Variants in PDGFD observed in about 807,000 individuals in gnomAD.
PDGFD encodes platelet-derived growth factor D.
In PDGFD, 30 loss-of-function variants were observed where a neutral mutation model predicts 44.7. That is an observed-to-expected ratio of 0.67 (90% confidence interval 0.50 to 0.91). The LOEUF (loss-of-function observed/expected upper bound fraction) is 0.91. Among genes scored for constraint, PDGFD ranks in the 40% least tolerant of loss-of-function variants. The pLI is 0.00. For missense variants in PDGFD, 445 were observed against 457.8 expected (o/e 0.97, Z 0.25); for synonymous variants, 173 against 168.4 (o/e 1.03, Z -0.21).
Position 104,027,455 on chromosome 11 carries a change from T to G in PDGFD, c.125-27200A>C, listed in dbSNP as rs117512712. On this transcript the variant is annotated intron_variant, in intron 1 of 6. Coordinates refer to ENST00000393158, the MANE Select transcript of PDGFD (RefSeq NM_025208.5). ...AGTGCTTTTCTATTTACAAGACAAA[T>G]TCAAATTATCCGTTAAGTCCACACC... Among the ~76,000 whole-genome samples the G allele has an allele frequency of 6.0e-4, 92 of 152,356 alleles. No homozygotes were observed. The East Asian group carries it at 0.016, about 27-fold the overall frequency.
At chr11:104,139,082 G>A (rs1030356496) in intron 1 of PDGFD, among the ~76,000 whole-genome samples, 1 of 151,982 alleles carries the variant, frequency 6.6e-6, no homozygotes, top group Non-Finnish European at 1.5e-5. Context: ...AATATTATAC[G>A]GTTTATGGTG....
chr11:104,147,117 T>C (rs1862174088), intron 1 of PDGFD, among the ~76,000 whole-genome samples: 1 of 152,046 alleles, frequency 6.6e-6, no homozygotes, highest in African/African-American at 2.4e-5. Flanking sequence ...ACTTGACACA[T>C]ATAAGGTTGT....
chr11:103,966,334 T>A (rs971127877), intron 3 of PDGFD, among the ~76,000 whole-genome samples: 1 of 152,160 alleles, frequency 6.6e-6, no homozygotes, highest in Admixed American at 6.5e-5. Context: ...TCATTTCTCC[T>A]CAAAAATGAC....
intron 3 of PDGFD, among the ~76,000 whole-genome samples, chr11:103,992,140 T>TA (rs1565304816): frequency 2.6e-5 from 4 of 152,218 alleles, no homozygotes; most frequent in Admixed American, 6.5e-5. Flanking sequence ...TTTCTGAAGG[T>TA]ATCTGTTATC....
chr11:103,941,150 A>C (rs988000158), intron 5 of PDGFD, among the ~76,000 whole-genome samples: 1 of 152,110 alleles, frequency 6.6e-6, no homozygotes, highest in Non-Finnish European at 1.5e-5. Flanking sequence ...GGAACCATAA[A>C]TAATATCAAT....
chr11:103,992,237 G>C (rs953512537), intron 3 of PDGFD, among the ~76,000 whole-genome samples: 3 of 152,120 alleles, frequency 2.0e-5, no homozygotes, highest in African/African-American at 7.2e-5. Flanking sequence ...ATTTTCCCAA[G>C]AAAGGGTCAT....
At chr11:104,159,025 C>T (rs540282739) in intron 1 of PDGFD, among the ~76,000 whole-genome samples, 11 of 151,680 alleles carry the variant, frequency 7.3e-5, no homozygotes, top group African/African-American at 2.4e-4. Context: ...CGGTGGTAGG[C>T]GCCTGTAGTC....
At chr11:103,951,975 T>G (rs959435003) in intron 3 of PDGFD, among the ~76,000 whole-genome samples, 1 of 152,232 alleles carries the variant, frequency 6.6e-6, no homozygotes, top group Non-Finnish European at 1.5e-5. Context: ...GTTTTTAGTA[T>G]ATATTCCAAT....
intron 1 of PDGFD, among the ~76,000 whole-genome samples, chr11:104,105,216 G>C (rs1030085294): frequency 5.3e-5 from 8 of 152,280 alleles, no homozygotes; most frequent in Admixed American, 1.3e-4. Flanking sequence ...TCAGGTCTCT[G>C]ATTGGAATCT....
intron 1 of PDGFD, among the ~76,000 whole-genome samples, chr11:104,004,050 C>A (rs1859661496): frequency 6.6e-6 from 1 of 152,154 alleles, no homozygotes; most frequent in African/African-American, 2.4e-5. Flanking sequence ...TCAATGATAT[C>A]CTTTCAAAGT....
intron 1 of PDGFD, among the ~76,000 whole-genome samples, chr11:104,118,116 C>A (rs1354214857): frequency 2.0e-5 from 3 of 151,830 alleles, no homozygotes; most frequent in African/African-American, 7.2e-5. Context: ...CATCTGTGAA[C>A]AAAGAAAATT....
chr11:104,151,465 A>T (rs1196583200), intron 1 of PDGFD, among the ~76,000 whole-genome samples: 3 of 152,164 alleles, frequency 2.0e-5, no homozygotes, highest in African/African-American at 7.2e-5. Flanking sequence ...CATTGTTCTT[A>T]GATTTTTCAA....
intron 1 of PDGFD, among the ~76,000 whole-genome samples, chr11:104,051,617 G>A (rs1860538808): frequency 6.6e-6 from 1 of 151,374 alleles, no homozygotes; most frequent in African/African-American, 2.4e-5. Flanking sequence ...ATGGGTAAAA[G>A]CCTAGGTGAA....
chr11:103,911,879 A>G (rs973732127), intron 6 of PDGFD, among the ~76,000 whole-genome samples: 2 of 151,982 alleles, frequency 1.3e-5, no homozygotes, highest in African/African-American at 4.8e-5. Context: ...AAAGGATATC[A>G]GTGATTGAAG....
At chr11:104,144,677 T>C (rs1862138890) in intron 1 of PDGFD, among the ~76,000 whole-genome samples, 1 of 152,166 alleles carries the variant, frequency 6.6e-6, no homozygotes, top group African/African-American at 2.4e-5. Flanking sequence ...GGCAATTGTC[T>C]TACCTAAAAA....
At chr11:104,044,846 G>A (rs565908386) in intron 1 of PDGFD, among the ~76,000 whole-genome samples, 1 of 152,268 alleles carries the variant, frequency 6.6e-6, no homozygotes, top group East Asian at 1.9e-4. Flanking sequence ...AGACCATCCT[G>A]GCTAAAATGG....
At chr11:104,009,379 G>A (rs1859749116) in intron 1 of PDGFD, among the ~76,000 whole-genome samples, 1 of 151,964 alleles carries the variant, frequency 6.6e-6, no homozygotes, top group Non-Finnish European at 1.5e-5. Context: ...TTAATTTAGA[G>A]TGGCAAGCTC....
chr11:104,103,970 G>A (rs1480300469), intron 1 of PDGFD, among the ~76,000 whole-genome samples: 1 of 152,002 alleles, frequency 6.6e-6, no homozygotes, highest in Non-Finnish European at 1.5e-5. Flanking sequence ...GGAGATGACA[G>A]CTCTATGAGT....
Position 103,995,658 on chromosome 11 carries a change from G to A in PDGFD, c.510+407C>T, listed in dbSNP as rs1439484184. On this transcript the variant is annotated intron_variant, in intron 3 of 6. Transcript: ENST00000393158. ...TATAATCATCAGGACTTTCTTCTGT[G>A]ATAGAACTTATACACAAATTTTCAA... is the stretch of plus-strand genomic sequence containing the variant. 2.0e-5 allele frequency among the ~76,000 whole-genome samples: 3 copies of A among 152,124 alleles called. No homozygotes were observed. The East Asian group carries it at 5.8e-4, about 29-fold the overall frequency.
Sources: gnomAD v4.1 joint callset for allele counts (sites outside exome capture counted in the v4.1 genomes callset) on GRCh38, gnomAD v4.1.1 for gene constraint, MANE v1.5 for transcripts, NCBI Gene and HGNC (gene_info 2026-07-23, HGNC 2026-07-21) for gene names.